PAFAH1B2: variants seen among roughly 807,000 people sequenced by gnomAD.
PAFAH1B2 encodes platelet-activating factor acetylhydrolase IB subunit alpha2.
PAFAH1B2 carries 8 observed loss-of-function variants against 28.0 expected under a neutral mutation model. The ratio of observed to expected loss-of-function variants is 0.29; its 90% CI spans 0.17 to 0.52. The LOEUF (loss-of-function observed/expected upper bound fraction) is 0.52. PAFAH1B2 is among the 20% of genes least tolerant of loss of function. The pLI is 0.97. For synonymous variants in PAFAH1B2, 104 were observed against 103.2 expected (o/e 1.01, Z -0.05); for missense variants, 190 against 282.6 (o/e 0.67, Z 2.35).
chr11:117,148,056 CTTT>C (rs201878667), intron 1 of PAFAH1B2, among the ~76,000 whole-genome samples: 8 of 129,566 alleles, frequency 6.2e-5, no homozygotes, highest in South Asian at 2.4e-4. Context: ...TTTTTTTTTT[CTTT>C]TTTTTTTTTT....
intron 5 of PAFAH1B2, among the ~76,000 whole-genome samples, chr11:117,166,254 T>C (rs1051664867): frequency 2.0e-5 from 3 of 152,236 alleles, no homozygotes; most frequent in African/African-American, 7.2e-5. Flanking sequence ...GAGGTACTTA[T>C]TTATACCTGC....
At chr11:117,172,664 T>C (rs1373873771), downstream of PAFAH1B2, among the ~76,000 whole-genome samples, 1 of 152,102 alleles carries the variant, frequency 6.6e-6, no homozygotes, top group African/African-American at 2.4e-5. Context: ...GGGAGCCCCC[T>C]ATCTGGAATA....
At position 117,170,944 on chromosome 11, in the gene PAFAH1B2, C is replaced by G; in HGVS notation, c.*3245C>G. 2 of 1,055,938 alleles carry G rather than the reference C, an allele frequency of 1.9e-6. No homozygotes were observed. The highest frequency in any genetic ancestry group is 4.6e-5 in the South Asian group (1 of 21,892). 65.4% of individuals were successfully genotyped at this position (1,055,938 alleles called of 1,614,324 possible). On this transcript the variant is annotated 3_prime_UTR_variant, in exon 6 of 6. Coordinates refer to ENST00000527958, the MANE Select transcript of PAFAH1B2 (RefSeq NM_002572.4). ...ACTGCTGCTAGCTGACTGGACCTCC[C>G]CATTGGAAGTTTGTGATTTTGCTTT...
At chr11:117,161,525 T>TG (rs1956369745) in intron 4 of PAFAH1B2, among the ~76,000 whole-genome samples, 1 of 151,794 alleles carries the variant, frequency 6.6e-6, no homozygotes, top group Admixed American at 6.6e-5. Flanking sequence ...TTTTTTTTTT[T>TG]TGAGATGGAG....
chr11:117,150,321 G>T (rs1000391223), intron 1 of PAFAH1B2, among the ~76,000 whole-genome samples: 1 of 152,030 alleles, frequency 6.6e-6, no homozygotes, highest in Non-Finnish European at 1.5e-5. Flanking sequence ...GCTAATTTTT[G>T]TATTTTTTGT....
At chr11:117,148,966 C>G (rs918015477) in intron 1 of PAFAH1B2, among the ~76,000 whole-genome samples, 25 of 151,666 alleles carry the variant, frequency 1.6e-4, no homozygotes, top group Admixed American at 1.6e-3. Context: ...CTCCTGGGCT[C>G]GAGCGATTCT....
Position 117,170,257 on chromosome 11 carries a change from T to G in PAFAH1B2, c.*2558T>G, listed in dbSNP as rs1219861846. On this transcript the variant is annotated 3_prime_UTR_variant, in exon 6 of 6. Coordinates refer to ENST00000527958, the MANE Select transcript of PAFAH1B2 (RefSeq NM_002572.4). ...CCAAGTGAAATGTCCTAGTTGTCAT[T>G]GTGATTAAGGGGCCAACTTTCCAGG... The G allele has an allele frequency of 4.7e-6, 5 of 1,061,952 alleles. No individual in the cohort carries two copies. Among genetic ancestry groups the G allele is most frequent in the Non-Finnish European group, 5.7e-6 (5 of 877,534 alleles). The allele number at this position is 1,061,952 out of a possible 1,614,324, so 65.8% of individuals were successfully genotyped here.
chr11:117,161,376 T>A, intron 4 of PAFAH1B2, 115 bp downstream of exon 4: 2 of 618,898 alleles, frequency 3.2e-6, no homozygotes, highest in South Asian at 2.4e-5. Flanking sequence ...ACTATTTTTT[T>A]CGTGCCTCTT....
Position 117,169,587 on chromosome 11 carries a change from T to C in PAFAH1B2, c.*1888T>C. 9.5e-7 allele frequency: 1 copy of C among 1,054,194 alleles called. No homozygotes were observed. The highest frequency in any genetic ancestry group is 4.6e-5 in the South Asian group (1 of 21,864). The allele number at this position is 1,054,194 out of a possible 1,614,324, so 65.3% of individuals were successfully genotyped here. On this transcript the variant is annotated 3_prime_UTR_variant, in exon 6 of 6. Transcript: ENST00000527958. ...GTGAAGTCTCTTTCTAGAAAATTTT[T>C]TGGTTTTGTTCTTTTTAAAAAATAC...
downstream of PAFAH1B2, chr11:117,171,197 TA>T: frequency 2.2e-6 from 1 of 445,298 alleles, no homozygotes; most frequent in Non-Finnish European, 3.1e-6. Flanking sequence ...ACTCATCACT[TA>T]CCTTCTCGGG....
intron 2 of PAFAH1B2, among the ~76,000 whole-genome samples, chr11:117,156,905 C>T (rs1301190155): frequency 6.6e-6 from 1 of 151,864 alleles, no homozygotes; most frequent in Non-Finnish European, 1.5e-5. Context: ...GAGGCTGAGG[C>T]AGGGAGGATC....
At chr11:117,177,137 A>G (rs2030027581), downstream of PAFAH1B2, among the ~76,000 whole-genome samples, 1 of 152,216 alleles carries the variant, frequency 6.6e-6, no homozygotes. Flanking sequence ...TGAACCCAGG[A>G]GGCAGAGGTT....
At position 117,151,348 on chromosome 11, in the gene PAFAH1B2, G is replaced by T. The variant is rs540221860; in HGVS notation, c.-7-1093G>T. ...GGGTTCAAGTGATTCTCCTACCTCA[G>T]TCTCCTGAGTAGCTGGGACTACAGG... is the stretch of plus-strand genomic sequence containing the variant. On this transcript the variant is annotated intron_variant, in intron 1 of 5. Transcript: ENST00000527958. 1.3e-3 allele frequency among the ~76,000 whole-genome samples: 201 copies of T among 150,756 alleles called. 1 individual carries two copies. The highest frequency in any genetic ancestry group is 2.3e-3 in the Non-Finnish European group (156 of 67,808).
In PAFAH1B2 at chr11:117,144,371, C is replaced by G. The variant is rs1451467604; in HGVS notation, c.-55C>G. On this transcript the variant is annotated 5_prime_UTR_variant, in exon 1 of 6. Transcript: ENST00000527958. ...GACCGAGCGAGCGACCGACGCGCCACCCGCCGACGCCTCAGCCGCTTGGGG... is the reference window on the plus strand; with the variant it reads ...GACCGAGCGAGCGACCGACGCGCCAGCCGCCGACGCCTCAGCCGCTTGGGG... The G allele has an allele frequency of 2.4e-6, 1 of 420,142 alleles. No homozygotes were observed. Among genetic ancestry groups the G allele is most frequent in the Admixed American group, 2.5e-5 (1 of 40,508 alleles). The allele number at this position is 420,142 out of a possible 1,614,324, so 26.0% of individuals were successfully genotyped here.
chr11:117,171,756 T>C, downstream of PAFAH1B2: 1 of 1,533,908 alleles, frequency 6.5e-7, no homozygotes, highest in Non-Finnish European at 8.7e-7. Flanking sequence ...AGTGAGTTGG[T>C]ATGCCGGTAT....
intron 5 of PAFAH1B2, 76 bp downstream of exon 5, chr11:117,163,968 C>T (rs1038248669): frequency 7.5e-6 from 11 of 1,472,964 alleles, no homozygotes; most frequent in African/African-American, 5.6e-5. Context: ...TGTGATTGCT[C>T]ATGAATATTA....
intron 3 of PAFAH1B2, 47 bp downstream of exon 3, chr11:117,160,070 C>A: frequency 1.6e-6 from 2 of 1,215,282 alleles, no homozygotes; most frequent in Non-Finnish European, 2.5e-6. Flanking sequence ...TCATGTATAT[C>A]CATTCATTAC....
chr11:117,159,141 T>C (rs1956316055), intron 2 of PAFAH1B2, among the ~76,000 whole-genome samples: 1 of 152,250 alleles, frequency 6.6e-6, no homozygotes, highest in African/African-American at 2.4e-5. Flanking sequence ...ATGTCAACTT[T>C]CTGTGTATCT....
At chr11:117,176,059 A>G (rs2029966140) in exon 6 of PAFAH1B2, 2 of 808,046 alleles carry the variant, frequency 2.5e-6, no homozygotes, top group Admixed American at 4.1e-5. Flanking sequence ...TCTCTGATTC[A>G]TATTCGCCTA....
Sources: allele counts gnomAD v4.1 joint callset (sites outside exome capture counted in the v4.1 genomes callset), GRCh38; gene constraint gnomAD v4.1.1; transcripts MANE v1.5; gene names NCBI Gene and HGNC (gene_info 2026-07-23, HGNC 2026-07-21).